ELOVL6: variants seen among roughly 807,000 people sequenced by gnomAD.
The protein encoded by ELOVL6 is ELOVL fatty acid elongase 6.
A neutral mutation model predicts 31.7 loss-of-function variants in ELOVL6; 8 were observed. The observed-to-expected ratio is 0.25, with a 90% CI of 0.15 to 0.45. The LOEUF is 0.45. ELOVL6 is among the 20% of genes least tolerant of loss of function. The pLI, the probability that ELOVL6 is intolerant of heterozygous loss-of-function variation, is 1.00. For synonymous variants in ELOVL6, 101 were observed against 117.7 expected, an observed-to-expected ratio of 0.86 and a Z score of 0.92; for missense variants, 126 against 326.4, an observed-to-expected ratio of 0.39 and a Z score of 4.73.
At chr4:110,131,666 G>C (rs1490826528) in intron 1 of ELOVL6, among the ~76,000 whole-genome samples, 1 of 152,080 alleles carries the variant, frequency 6.6e-6, no homozygotes, top group Non-Finnish European at 1.5e-5. Flanking sequence ...AATCCTCTAG[G>C]TCCTGTGGGG....
chr4:110,164,759 A>G (rs1400897103), intron 1 of ELOVL6, among the ~76,000 whole-genome samples: 1 of 151,484 alleles, frequency 6.6e-6, no homozygotes, highest in African/African-American at 2.4e-5. Context: ...AAAAAAAGAA[A>G]AAAAAAAAAA....
chr4:110,198,701 G>A (rs1421370910), upstream of ELOVL6: 1 of 197,594 alleles, frequency 5.1e-6, no homozygotes, highest in African/African-American at 2.3e-5. Flanking sequence ...AACCCTTGGC[G>A]AGGGAGTGTG....
intron 1 of ELOVL6, among the ~76,000 whole-genome samples, chr4:110,158,632 C>CGTGTAT (rs1553961427): frequency 3.9e-5 from 2 of 50,916 alleles, no homozygotes; most frequent in East Asian, 9.0e-4. Context: ...CATATATACA[C>CGTGTAT]GTGTATATAT....
intron 1 of ELOVL6, among the ~76,000 whole-genome samples, chr4:110,128,429 A>G (rs1334982452): frequency 2.6e-5 from 4 of 152,138 alleles, no homozygotes; most frequent in African/African-American, 9.7e-5. Context: ...TGGATTTGTG[A>G]TATATAAAGA....
At position 110,051,823 on chromosome 4, in the gene ELOVL6, A is replaced by G. The variant is rs1754845147; in HGVS notation, c.374-61T>C. ...TTGACCACCAGTAACGATGACTTAC[A>G]GTTTTGTAAGAGGGTAGACATCCTG... On this transcript the variant is annotated intron_variant, in intron 3 of 3. Transcript: ENST00000302274. The surrounding 1 kb of genome is among the most constrained non-coding windows in gnomAD (Gnocchi z 4.8). 7.0e-7 allele frequency: 1 copy of G among 1,429,186 alleles called. No homozygotes were observed. The highest frequency in any genetic ancestry group is 1.4e-5 in the African/African-American group (1 of 71,406). The allele number at this position is 1,429,186 out of a possible 1,614,324, so 88.5% of individuals were successfully genotyped here. A position where few individuals can be genotyped will look rare whatever the true frequency, so the allele number is the denominator to read the frequency against.
intron 1 of ELOVL6, among the ~76,000 whole-genome samples, chr4:110,121,154 C>T (rs998861077): frequency 2.8e-4 from 42 of 152,242 alleles, no homozygotes; most frequent in African/African-American, 8.9e-4. Flanking sequence ...GGAGGAAATG[C>T]GTAAGGCAGG....
intron 1 of ELOVL6, among the ~76,000 whole-genome samples, chr4:110,188,685 C>T (rs961688311): frequency 2.0e-5 from 3 of 151,772 alleles, no homozygotes; most frequent in African/African-American, 7.3e-5. Context: ...GTTAGGAGTT[C>T]GAGACCAGCC....
intron 2 of ELOVL6, among the ~76,000 whole-genome samples, chr4:110,080,413 C>T (rs1755802813): frequency 6.6e-6 from 1 of 152,168 alleles, no homozygotes; most frequent in African/African-American, 2.4e-5. Context: ...GGGCTTCATC[C>T]CTGGGATGCA....
intron 1 of ELOVL6, among the ~76,000 whole-genome samples, chr4:110,186,714 G>A (rs984723227): frequency 6.7e-6 from 1 of 148,292 alleles, no homozygotes; most frequent in Non-Finnish European, 1.5e-5. Context: ...TAAGGTGGGA[G>A]AATCACTTGA....
At chr4:110,106,578 T>C (rs1756897392) in intron 1 of ELOVL6, among the ~76,000 whole-genome samples, 3 of 152,168 alleles carry the variant, frequency 2.0e-5, no homozygotes, top group Non-Finnish European at 4.4e-5. Context: ...TAATGCATTA[T>C]AATTAGCATA....
intron 1 of ELOVL6, among the ~76,000 whole-genome samples, chr4:110,148,512 G>A (rs1758192397): frequency 6.6e-6 from 1 of 151,722 alleles, no homozygotes; most frequent in African/African-American, 2.4e-5. Flanking sequence ...GGGGAGGTAG[G>A]AATGGTTAAT....
intron 1 of ELOVL6, among the ~76,000 whole-genome samples, chr4:110,157,477 C>G (rs778053109): frequency 3.5e-4 from 53 of 152,056 alleles, no homozygotes; most frequent in Non-Finnish European, 3.8e-4. Flanking sequence ...TCAAGACCAG[C>G]CTGGCCAAGA....
intron 1 of ELOVL6, among the ~76,000 whole-genome samples, chr4:110,176,389 T>C (rs145442029): frequency 1.3e-3 from 196 of 152,246 alleles, no homozygotes; most frequent in African/African-American, 4.5e-3. Flanking sequence ...TTCAAACTCC[T>C]GACTTTGTGA....
chr4:110,080,979 A>T (rs1348373940), intron 2 of ELOVL6, among the ~76,000 whole-genome samples: 1 of 152,018 alleles, frequency 6.6e-6, no homozygotes, highest in Non-Finnish European at 1.5e-5. Context: ...TCATGAGTGA[A>T]CTCCCATTCA....
intron 1 of ELOVL6, among the ~76,000 whole-genome samples, chr4:110,165,706 A>G (rs1218275500): frequency 6.6e-6 from 1 of 152,208 alleles, no homozygotes; most frequent in African/African-American, 2.4e-5. Flanking sequence ...AGCTTCCTCA[A>G]CTATAAAATA....
chr4:110,114,198 C>A (rs1209208263), intron 1 of ELOVL6, among the ~76,000 whole-genome samples: 1 of 152,188 alleles, frequency 6.6e-6, no homozygotes, highest in Non-Finnish European at 1.5e-5. Flanking sequence ...CCAAGCTAAA[C>A]TTTATCTCCT....
At chr4:110,119,853 G>A (rs1273273827) in intron 1 of ELOVL6, among the ~76,000 whole-genome samples, 1 of 152,140 alleles carries the variant, frequency 6.6e-6, no homozygotes, top group Non-Finnish European at 1.5e-5. Flanking sequence ...TCTCTTTACT[G>A]CCAGGTTGTG....
At position 110,121,486 on chromosome 4, in the gene ELOVL6, G is replaced by A. The variant is rs115489187; in HGVS notation, c.90-15858C>T. On this transcript the variant is annotated intron_variant, in intron 1 of 3. Coordinates refer to ENST00000302274, the MANE Select transcript of ELOVL6 (RefSeq NM_024090.3). ...AAGAAATCCCAGTTGGTTCTTAACA[G>A]TAGTAGTTTTTACCATCTTGGCTAA... 9.3e-3 allele frequency among the ~76,000 whole-genome samples: 1,410 copies of A among 152,224 alleles called. 23 individuals carry two copies. Among genetic ancestry groups the A allele is most frequent in the African/African-American group, 0.032 (1,344 of 41,520 alleles).
intron 1 of ELOVL6, among the ~76,000 whole-genome samples, chr4:110,175,575 T>C (rs1039686148): frequency 2.6e-5 from 4 of 152,214 alleles, no homozygotes; most frequent in Non-Finnish European, 5.9e-5. Context: ...TTTACATATA[T>C]TAACTCATTT....
Sources: gnomAD v4.1 joint callset for allele counts (sites outside exome capture counted in the v4.1 genomes callset) on GRCh38, gnomAD v4.1.1 for gene constraint, Gnocchi (gnomAD v3.1) non-coding constraint, MANE v1.5 for transcripts, NCBI Gene and HGNC (gene_info 2026-07-23, HGNC 2026-07-21) for gene names.